Variants in USP6NL observed in about 807,000 individuals in gnomAD.
USP6NL encodes the protein USP6 N-terminal-like protein.
A neutral mutation model predicts 61.9 loss-of-function variants in USP6NL; 26 were observed. That is an observed-to-expected ratio of 0.42 (90% CI 0.31 to 0.58). The LOEUF is 0.58. Among genes scored for constraint, USP6NL ranks in the 20% least tolerant of loss-of-function variants. The pLI, the probability that USP6NL is intolerant of heterozygous loss-of-function variation, is 0.16. For missense variants in USP6NL, 1,114 were observed against 1,034.3 expected (o/e 1.08, Z -1.06); for synonymous variants, 432 against 390.1 (o/e 1.11, Z -1.27).
Position 11,465,815 on chromosome 10 carries a change from C to A in USP6NL, c.1079-1966G>T, listed in dbSNP as rs772293312. On this transcript the variant is annotated intron_variant, in intron 14 of 14. Coordinates refer to ENST00000609104, the MANE Select transcript of USP6NL (RefSeq NM_014688.5). This position sits in a 1 kb window ranked among gnomAD's most constrained non-coding sequence, Gnocchi z 4.5. The stretch of plus-strand genomic sequence containing the variant: ...GCAGCTACCCTTAGCTCTATATCCC[C>A]AATCTCAAAACTGGATTGTTTTAAA... Among the ~76,000 whole-genome samples the A allele has an allele frequency of 6.6e-6, 1 of 152,188 alleles. No homozygotes were observed. The highest frequency in any genetic ancestry group is 1.5e-5 in the Non-Finnish European group (1 of 68,022).
intron 14 of USP6NL, among the ~76,000 whole-genome samples, chr10:11,477,638 C>G (rs943394618): frequency 6.6e-6 from 1 of 152,100 alleles, no homozygotes; most frequent in Non-Finnish European, 1.5e-5. Flanking sequence ...AACACACAGA[C>G]GTTTTGGTTA....
At chr10:11,608,288 A>G (rs1323991112) in intron 1 of USP6NL, among the ~76,000 whole-genome samples, 1 of 152,256 alleles carries the variant, frequency 6.6e-6, no homozygotes, top group East Asian at 1.9e-4. Context: ...AGTCACTCCC[A>G]GGTCTGGTAT....
At chr10:11,516,849 C>T (rs1834979582) in intron 5 of USP6NL, among the ~76,000 whole-genome samples, 1 of 152,170 alleles carries the variant, frequency 6.6e-6, no homozygotes, top group Non-Finnish European at 1.5e-5. Flanking sequence ...TATATAGGCA[C>T]ATCTCTTAAA....
At chr10:11,493,074 A>G in intron 8 of USP6NL, 45 bp downstream of exon 8, 3 of 1,495,698 alleles carry the variant, frequency 2.0e-6, no homozygotes, top group Non-Finnish European at 2.7e-6. Context: ...AATAAAGACT[A>G]TTTATAAATG....
At chr10:11,545,874 T>C (rs553517706) in intron 2 of USP6NL, among the ~76,000 whole-genome samples, 3 of 152,364 alleles carry the variant, frequency 2.0e-5, no homozygotes, top group African/African-American at 2.4e-5. Flanking sequence ...TTGTTGACTA[T>C]AGTTTTGCCA....
chr10:11,485,082 A>C lies in USP6NL; in HGVS notation c.826-12T>G. 1 of 1,538,514 alleles carries C rather than the reference A, an allele frequency of 6.5e-7. No individual in the cohort carries two copies. The highest frequency in any genetic ancestry group is 8.7e-7 in the Non-Finnish European group (1 of 1,143,740). On this transcript the variant is annotated splice_polypyrimidine_tract_variant and intron_variant, in intron 12 of 14. Transcript: ENST00000609104. The surrounding 1 kb of genome is among the most constrained non-coding windows in gnomAD (Gnocchi z 4.8). Reference sequence around the variant, plus strand: ...AGTGTAAAGGGAGTCTACAATTAAAAGCAAAACAAAACAAAAATAGGGTTA... The same window carrying C: ...AGTGTAAAGGGAGTCTACAATTAAACGCAAAACAAAACAAAAATAGGGTTA...
rs1838875081 is a variant in USP6NL at position 11,611,088 on chromosome 10, G to A, written c.-84+355C>T. ...GGGTCCTGCCCACTGGGGCTCGGGA[G>A]ACGCGACCGAAACTTGCGAGGGAGA... On this transcript the variant is annotated intron_variant, in intron 1 of 14. Transcript: ENST00000609104. This position sits in a 1 kb window ranked among gnomAD's most constrained non-coding sequence, Gnocchi z 5.3. Among the ~76,000 whole-genome samples, 1 of 152,138 alleles carries A rather than the reference G, an allele frequency of 6.6e-6. No individual in the cohort carries two copies.
In USP6NL at chr10:11,463,563, C is replaced by T. The variant is rs368050839; in HGVS notation, c.1365G>A (p.Ser455=). 7 of 1,613,820 alleles carry T rather than the reference C, an allele frequency of 4.3e-6. No individual in the cohort carries two copies. Among genetic ancestry groups the T allele is most frequent in the South Asian group, 1.1e-5 (1 of 91,084 alleles). ...DEADFQRKLP[S]GPQDSSRQYN... ...ATTGCCTGGAACTGTCCTGTGGACC[C>T]GATGGGAGTTTTCTTTGAAAATCTG... Residue 455 remains serine, a synonymous_variant, in exon 15 of 15, where the codon TCG becomes TCA. Coordinates refer to ENST00000609104, the MANE Select transcript of USP6NL (RefSeq NM_014688.5). This position sits in a 1 kb window ranked among gnomAD's most constrained non-coding sequence, Gnocchi z 6.3.
intron 2 of USP6NL, among the ~76,000 whole-genome samples, chr10:11,533,445 T>C (rs1418863721): frequency 6.6e-6 from 1 of 152,206 alleles, no homozygotes; most frequent in Non-Finnish European, 1.5e-5. Flanking sequence ...CAGATGTAAT[T>C]CAGCTAAGGA....
chr10:11,605,681 A>T (rs1393070903), intron 1 of USP6NL, among the ~76,000 whole-genome samples: 1 of 152,194 alleles, frequency 6.6e-6, no homozygotes, highest in Non-Finnish European at 1.5e-5. Context: ...AAATAACTAA[A>T]CTGAAAGTCT....
intron 2 of USP6NL, among the ~76,000 whole-genome samples, chr10:11,580,371 A>C (rs1442712006): frequency 6.6e-6 from 1 of 152,234 alleles, no homozygotes; most frequent in African/African-American, 2.4e-5. Flanking sequence ...CAGTAATATT[A>C]TGACAGTAAT....
At position 11,562,063 on chromosome 10, in the gene USP6NL, G is replaced by A. The variant is rs1049421602; in HGVS notation, c.5-34496C>T. Among the ~76,000 whole-genome samples, 1 of 152,070 alleles carries A rather than the reference G, an allele frequency of 6.6e-6. No homozygotes were observed. Among genetic ancestry groups the A allele is most frequent in the Non-Finnish European group, 1.5e-5 (1 of 68,002 alleles). On this transcript the variant is annotated intron_variant, in intron 2 of 14. Transcript: ENST00000609104. This position sits in a 1 kb window ranked among gnomAD's most constrained non-coding sequence, Gnocchi z 4.8. ...TGTGAGGCCAAGGCAGGCAGATCAC[G>A]AGGTCAGGAGTTTAAGACCAGCCTG...
rs1591822691 is a variant in USP6NL, at chr10:11,476,495, C to A, written c.1078+5275G>T. Among the ~76,000 whole-genome samples, 1 of 152,122 alleles carries A rather than the reference C, an allele frequency of 6.6e-6. No individual in the cohort carries two copies. Among genetic ancestry groups the A allele is most frequent in the Non-Finnish European group, 1.5e-5 (1 of 68,004 alleles). ...AAAAAAGTTTCAAAAAATGTTTCAACAGCAACTACAAAACATACAGAAATA... is the reference window on the plus strand; with the variant it reads ...AAAAAAGTTTCAAAAAATGTTTCAAAAGCAACTACAAAACATACAGAAATA... On this transcript the variant is annotated intron_variant, in intron 14 of 14. Coordinates refer to ENST00000609104, the MANE Select transcript of USP6NL (RefSeq NM_014688.5). This position sits in a 1 kb window ranked among gnomAD's most constrained non-coding sequence, Gnocchi z 4.3.
chr10:11,576,449 T>C (rs1021259662), intron 2 of USP6NL, among the ~76,000 whole-genome samples: 6 of 152,144 alleles, frequency 3.9e-5, no homozygotes, highest in Non-Finnish European at 7.3e-5. Flanking sequence ...CCTTTGAGAG[T>C]TGATTAAATC....
chr10:11,462,199 T>TA lies in USP6NL; in HGVS notation c.*241dup. On this transcript the variant is annotated 3_prime_UTR_variant, in exon 15 of 15. Transcript: ENST00000609104. The stretch of plus-strand genomic sequence containing the variant: ...TAAATTACCACTGTGCGTGCATCCC[T>TA]AAATGCTATTGCGATGTTTCCGGGT... 2.0e-6 allele frequency: 1 copy of TA among 504,928 alleles called. No individual in the cohort carries two copies. The highest frequency in any genetic ancestry group is 3.6e-5 in the Admixed American group (1 of 27,476). The allele number at this position is 504,928 out of a possible 1,614,324, so 31.3% of individuals were successfully genotyped here.
rs577273845 is a variant in USP6NL at position 11,513,148 on chromosome 10, T to A, written c.196-3473A>T. On this transcript the variant is annotated intron_variant, in intron 5 of 14. Coordinates refer to ENST00000609104, the MANE Select transcript of USP6NL (RefSeq NM_014688.5). The surrounding 1 kb of genome is among the most constrained non-coding windows in gnomAD (Gnocchi z 4.7). The stretch of plus-strand genomic sequence containing the variant: ...ATTTAAAAATTAAACAGAATTTACA[T>A]AAGAAAAAACAACTGAACCCTATGA... Among the ~76,000 whole-genome samples the A allele has an allele frequency of 1.3e-5, 2 of 152,174 alleles. No homozygotes were observed. Among genetic ancestry groups the A allele is most frequent in the Non-Finnish European group, 2.9e-5 (2 of 67,988 alleles).
At position 11,585,084 on chromosome 10, in the gene USP6NL, A is replaced by C. The variant is rs1425769091; in HGVS notation, c.4+12547T>G. ...TTTTTCCATAATCATTTTGGGAGAA[A>C]AGACTGTTTTAGAATGATATGATGC... On this transcript the variant is annotated intron_variant, in intron 2 of 14. Transcript: ENST00000609104. This position sits in a 1 kb window ranked among gnomAD's most constrained non-coding sequence, Gnocchi z 4.5. Among the ~76,000 whole-genome samples, 1 of 152,230 alleles carries C rather than the reference A, an allele frequency of 6.6e-6. No homozygotes were observed. The highest frequency in any genetic ancestry group is 1.9e-4 in the East Asian group (1 of 5,204).
Position 11,537,275 on chromosome 10 carries a change from CTAATACTTG to C in USP6NL, c.5-9717_5-9709del, listed in dbSNP as rs1835870675. ...TACAGGCGCATGCTACCCTGTCTAG[CTAATACTTG>C]TATTTTTTGTCGAGACGGGATTTTG... On this transcript the variant is annotated intron_variant, in intron 2 of 14. Transcript: ENST00000609104. This position sits in a 1 kb window ranked among gnomAD's most constrained non-coding sequence, Gnocchi z 5.1. 6.6e-6 allele frequency among the ~76,000 whole-genome samples: 1 copy of C among 152,096 alleles called. No homozygotes were observed. The highest frequency in any genetic ancestry group is 2.4e-5 in the African/African-American group (1 of 41,404).
In USP6NL at chr10:11,598,261, T is replaced by C. The variant is rs17150611; in HGVS notation, c.-83-544A>G. Among the ~76,000 whole-genome samples the C allele has an allele frequency of 0.12, 18,260 of 152,176 alleles. 1,682 individuals are homozygous for C. The highest frequency in any genetic ancestry group is 0.43 in the East Asian group (2,222 of 5,186). ...AATAAGGTAAACTTCTCTCATAACA[T>C]ATTACCCTAACCCCTACATCTACCC... On this transcript the variant is annotated intron_variant, in intron 1 of 14. Transcript: ENST00000609104. The surrounding 1 kb of genome is among the most constrained non-coding windows in gnomAD (Gnocchi z 4.7).
Sources: allele counts gnomAD v4.1 joint callset (sites outside exome capture counted in the v4.1 genomes callset), GRCh38; gene constraint gnomAD v4.1.1; non-coding constraint Gnocchi (gnomAD v3.1); transcripts MANE v1.5; gene names NCBI Gene and HGNC (gene_info 2026-07-23, HGNC 2026-07-21).